Variants in DNAH9 observed in about 807,000 individuals in gnomAD.
DNAH9 encodes dynein axonemal heavy chain 9.
A neutral mutation model predicts 471.6 loss-of-function variants in DNAH9; 345 were observed. That is an observed-to-expected ratio of 0.73 (90% CI 0.67 to 0.80). The LOEUF (loss-of-function observed/expected upper bound fraction) is 0.80. Among genes scored for constraint, DNAH9 ranks in the 30% least tolerant of loss-of-function variants. The probability of loss-of-function intolerance (pLI) is 0.00; values close to 1 mark genes in which losing one functional copy is unlikely to be tolerated. For missense variants in DNAH9, 5,407 were observed against 5,609.2 expected, an observed-to-expected ratio of 0.96 and a Z score of 1.15; for synonymous variants, 2,093 against 2,123.6, an observed-to-expected ratio of 0.99 and a Z score of 0.40.
chr17:11,868,796 C>T (rs1477649556), intron 50 of DNAH9, among the ~76,000 whole-genome samples: 1 of 152,028 alleles, frequency 6.6e-6, no homozygotes, highest in Non-Finnish European at 1.5e-5. Context: ...TGCACCCTTC[C>T]CCCCATCCAC....
At chr17:11,801,155 T>C (rs942135374) in intron 43 of DNAH9, among the ~76,000 whole-genome samples, 1 of 152,222 alleles carries the variant, frequency 6.6e-6, no homozygotes, top group African/African-American at 2.4e-5. Context: ...AAACTGAGAC[T>C]GAGAGGAGAG....
At chr17:11,763,642 C>A (rs1247461499) in intron 36 of DNAH9, 28 bp downstream of exon 36, 1 of 1,605,240 alleles carries the variant, frequency 6.2e-7, no homozygotes, top group African/African-American at 1.3e-5. Context: ...GCTCAACAAC[C>A]ACACTGAAGT....
In DNAH9 at chr17:11,619,598, AAGTC is replaced by A. The variant is rs2072812510; in HGVS notation, c.1170_1173del (p.Ser390ArgfsTer11). On this transcript the variant is annotated frameshift_variant, in exon 6 of 69. Transcript: ENST00000262442. LOFTEE classifies it high-confidence loss of function. The stretch of plus-strand genomic sequence containing the variant: ...ACCTGCTGAGAAGTGAGGTAGAAGA[AAGTC>A]AGAGAAAACTGCAAGTGGTCTCAGA... The A allele has an allele frequency of 1.2e-5, 19 of 1,614,150 alleles. No individual in the cohort carries two copies. The highest frequency in any genetic ancestry group is 1.6e-5 in the Non-Finnish European group (19 of 1,179,976).
Position 11,755,848 on chromosome 17 carries a change from TA to T in DNAH9, c.6739-717del, listed in dbSNP as rs545667918. ...GACATACCAGAGACTGGGTAATTTA[TA>T]AAGAAAAAGAGGTTTAATGAACTGA... On this transcript the variant is annotated intron_variant, in intron 33 of 68. Coordinates refer to ENST00000262442, the MANE Select transcript of DNAH9 (RefSeq NM_001372.4). 6.6e-5 allele frequency among the ~76,000 whole-genome samples: 10 copies of T among 152,172 alleles called. No individual in the cohort carries two copies. In the South Asian group the frequency reaches 1.9e-3, roughly 28 times the overall value.
chr17:11,756,983 C>T (rs1310383784), intron 34 of DNAH9, among the ~76,000 whole-genome samples: 2 of 152,110 alleles, frequency 1.3e-5, no homozygotes, highest in Non-Finnish European at 2.9e-5. Context: ...AACTCTATCC[C>T]TTAAGTTTCA....
chr17:11,891,674 A>G, intron 57 of DNAH9, 103 bp from the exon 58 acceptor site: 1 of 1,430,750 alleles, frequency 7.0e-7, no homozygotes, highest in Non-Finnish European at 9.4e-7. Flanking sequence ...CTTGGGAAAA[A>G]ATTTCTATGG....
chr17:11,883,598 A>G lies in DNAH9; in HGVS notation c.10819A>G (p.Lys3607Glu). The change falls in exon 56 of 69, where the codon AAG becomes GAG. Residue 3607 changes from lysine (K) to glutamate (E), a missense_variant. Physicochemically the swap from Lys to Glu is moderately conservative, Grantham distance 56. Transcript: ENST00000262442. ...TTGATATTTGCAGTCCGATCTCACA[A>G]AGCAGCAGAATGGATTCAAAATTAC... Reference protein sequence around the residue: ...DLEQLKSDLTKQQNGFKITLK... With the variant: ...DLEQLKSDLTEQQNGFKITLK... The G allele has an allele frequency of 6.2e-7, 1 of 1,614,078 alleles. No individual in the cohort carries two copies. Among genetic ancestry groups the G allele is most frequent in the Non-Finnish European group, 8.5e-7 (1 of 1,179,990 alleles).
chr17:11,823,027 C>T lies in DNAH9; in HGVS notation c.9239C>T (p.Ser3080Phe), dbSNP rs1458777851. ...GGGCTGCTGAAGCTGCATAGCACCT[C>T]TGCCCAGGTGAGCAATGTCCCGCTC... ...ENGLLKLHSTSAQVDDLKAKL... is the reference protein window; with the variant it reads ...ENGLLKLHSTFAQVDDLKAKL... Residue 3080 changes from serine (S) to phenylalanine (F), a missense_variant, in exon 48 of 69, where the codon TCT becomes TTT. Ser to Phe is a radical substitution (Grantham distance 155). This residue lies in a region of DNAH9 where 4,636 missense variants were observed against 4,900.3 expected (regional missense o/e 0.95). Coordinates refer to ENST00000262442, the MANE Select transcript of DNAH9 (RefSeq NM_001372.4). The T allele has an allele frequency of 6.2e-7, 1 of 1,612,480 alleles. No individual in the cohort carries two copies.
In DNAH9 at chr17:11,598,656, A is replaced by C. The variant is rs1220647730; in HGVS notation, c.158A>C (p.Glu53Ala). 8.9e-5 allele frequency: 121 copies of C among 1,354,974 alleles called. No individual in the cohort carries two copies. The highest frequency in any genetic ancestry group is 1.1e-4 in the Non-Finnish European group (112 of 1,059,378). 83.9% of individuals were successfully genotyped at this position (1,354,974 alleles called of 1,614,324 possible). ...WERCAGSAEA[E>A]QLLQAFLGRD... ...CGTTGCGCGGGGAGTGCTGAGGCGG[A>C]GCAGCTGCTCCAGGCCTTCCTGGGC... Residue 53 changes from glutamate (E) to alanine (A), a missense_variant, in exon 1 of 69, where the codon GAG (glutamate) becomes GCG (alanine). By Grantham distance (107) the Glu-to-Ala change is moderately radical (BLOSUM62 -1). Transcript: ENST00000262442.
At chr17:11,919,830 A>C (rs1974077802) in intron 61 of DNAH9, among the ~76,000 whole-genome samples, 1 of 152,134 alleles carries the variant, frequency 6.6e-6, no homozygotes, top group Non-Finnish European at 1.5e-5. Context: ...AAACGAAGGG[A>C]CCAAAGGACT....
chr17:11,715,960 C>A (rs2074952780), intron 26 of DNAH9, among the ~76,000 whole-genome samples: 1 of 152,106 alleles, frequency 6.6e-6, no homozygotes, highest in Admixed American at 6.5e-5. Flanking sequence ...TCTAACAGGA[C>A]CTCAGAGAGA....
At position 11,742,154 on chromosome 17, in the gene DNAH9, CT is replaced by C; in HGVS notation, c.5973-19del. ...ACTGTACTTGGGAAACTGACTGGGC[CT>C]TCTGTCTTTCTATACTCAGGCCTTG... On this transcript the variant is annotated intron_variant, in intron 29 of 68. Transcript: ENST00000262442. 6.2e-7 allele frequency: 1 copy of C among 1,613,192 alleles called. No homozygotes were observed. Among genetic ancestry groups the C allele is most frequent in the South Asian group, 1.1e-5 (1 of 90,992 alleles).
intron 42 of DNAH9, among the ~76,000 whole-genome samples, chr17:11,794,105 C>A (rs1033397121): frequency 7.3e-6 from 1 of 137,336 alleles, no homozygotes; most frequent in Non-Finnish European, 1.5e-5. Context: ...AGTGCAGTGG[C>A]GCGATCTCGG....
intron 19 of DNAH9, among the ~76,000 whole-genome samples, chr17:11,687,698 G>A (rs1274954127): frequency 1.3e-5 from 2 of 152,016 alleles, no homozygotes; most frequent in African/African-American, 4.8e-5. Flanking sequence ...CTTAAGCTGT[G>A]GTGTGTCTAG....
Position 11,961,736 on chromosome 17 carries a change from T to C in DNAH9, c.12844-131T>C, listed in dbSNP as rs190118193. ...TGTCACCTACCCCTGGAGTTTTATG[T>C]TCAAATGACATGAACAAGGATGGAT... On this transcript the variant is annotated intron_variant, in intron 67 of 68. Coordinates refer to ENST00000262442, the MANE Select transcript of DNAH9 (RefSeq NM_001372.4). 6.0e-6 allele frequency: 7 copies of C among 1,161,994 alleles called. No homozygotes were observed. In the East Asian group the frequency reaches 1.7e-4, roughly 27 times the overall value. The allele number at this position is 1,161,994 out of a possible 1,614,324, so 72.0% of individuals were successfully genotyped here. A position where few individuals can be genotyped will look rare whatever the true frequency, so the allele number is the denominator to read the frequency against.
chr17:11,750,284 T>A lies in DNAH9; in HGVS notation c.6610+2518T>A, dbSNP rs563673803. On this transcript the variant is annotated intron_variant, in intron 32 of 68. Coordinates refer to ENST00000262442, the MANE Select transcript of DNAH9 (RefSeq NM_001372.4). ...CCCCATGTCTACCAAAAAAAAAAATTTTTTGGATAACTTTAAAAGAATACA... is the reference window on the plus strand; with the variant it reads ...CCCCATGTCTACCAAAAAAAAAAATATTTTGGATAACTTTAAAAGAATACA... 3.7e-4 allele frequency among the ~76,000 whole-genome samples: 55 copies of A among 150,188 alleles called. No homozygotes were observed. The South Asian group carries it at 5.0e-3, about 14-fold the overall frequency.
At chr17:11,817,070 T>A (rs1472055095) in intron 45 of DNAH9, among the ~76,000 whole-genome samples, 2 of 146,518 alleles carry the variant, frequency 1.4e-5, no homozygotes, top group Non-Finnish European at 2.9e-5. Context: ...AAAAAAATAA[T>A]AATAATAATG....
At chr17:11,738,854 T>G in intron 28 of DNAH9, 26 bp from the exon 29 acceptor site, 1 of 1,611,064 alleles carries the variant, frequency 6.2e-7, no homozygotes, top group Non-Finnish European at 8.5e-7. Flanking sequence ...ATTGAGGAAT[T>G]TCTCGCTGAT....
intron 28 of DNAH9, among the ~76,000 whole-genome samples, chr17:11,736,712 C>T (rs970563927): frequency 3.9e-5 from 6 of 152,346 alleles, no homozygotes; most frequent in East Asian, 1.9e-4. Flanking sequence ...TCAAGAGCCC[C>T]TCTACAGAAT....
Sources: allele counts gnomAD v4.1 joint callset (sites outside exome capture counted in the v4.1 genomes callset), GRCh38; gene constraint gnomAD v4.1.1; regional missense constraint gnomAD v4.1.1; transcripts MANE v1.5; gene names NCBI Gene and HGNC (gene_info 2026-07-23, HGNC 2026-07-21).